LRP1B: variants seen among roughly 807,000 people sequenced by gnomAD.
LRP1B encodes LDL receptor related protein 1B.
Under a neutral mutation model 556.6 loss-of-function variants are expected in LRP1B, and 217 were observed. That is an observed-to-expected ratio of 0.39 (90% CI 0.35 to 0.44). The LOEUF is 0.44. LRP1B is among the 20% of genes least tolerant of loss of function. The probability of loss-of-function intolerance (pLI) is 1.00; values close to 1 mark genes in which losing one functional copy is unlikely to be tolerated. For missense variants in LRP1B, 5,053 were observed against 5,620.8 expected (o/e 0.90, Z 3.23); for synonymous variants, 2,047 against 1,865.8 (o/e 1.10, Z -2.50).
At chr2:141,301,450 G>C (rs59411990) in intron 3 of LRP1B, among the ~76,000 whole-genome samples, 18,571 of 152,046 alleles carry the variant, frequency 0.12, 1,507 homozygotes, top group African/African-American at 0.22. Flanking sequence ...ACTAGCCTTA[G>C]CCTCCCAAAC....
At chr2:141,971,791 C>T (rs1466723004) in intron 1 of LRP1B, among the ~76,000 whole-genome samples, 1 of 151,428 alleles carries the variant, frequency 6.6e-6, no homozygotes, top group Non-Finnish European at 1.5e-5. Flanking sequence ...CTTCCTCCTT[C>T]CCTTCTAAAA....
intron 3 of LRP1B, among the ~76,000 whole-genome samples, chr2:141,351,346 A>G (rs1289993945): frequency 6.6e-6 from 1 of 151,948 alleles, no homozygotes; most frequent in Non-Finnish European, 1.5e-5. Flanking sequence ...ACTACTCTTC[A>G]ACACCTTCTA....
intron 1 of LRP1B, among the ~76,000 whole-genome samples, chr2:141,867,674 G>A (rs1176643065): frequency 6.6e-6 from 1 of 152,050 alleles, no homozygotes; most frequent in Non-Finnish European, 1.5e-5. Flanking sequence ...TGATATTATT[G>A]ATACAACAAT....
intron 41 of LRP1B, among the ~76,000 whole-genome samples, chr2:140,688,713 A>G (rs16844518): frequency 0.016 from 2,368 of 152,284 alleles, 52 homozygotes; most frequent in African/African-American, 0.052. Flanking sequence ...GTGCAAGCAG[A>G]GACTTATAAA....
chr2:140,462,131 C>T (rs536016923), intron 60 of LRP1B, among the ~76,000 whole-genome samples: 1 of 152,178 alleles, frequency 6.6e-6, no homozygotes, highest in African/African-American at 2.4e-5. Flanking sequence ...TCAAATCAAA[C>T]ATTAAATCCT....
At chr2:140,991,616 A>T (rs1032585354) in intron 16 of LRP1B, among the ~76,000 whole-genome samples, 13 of 152,134 alleles carry the variant, frequency 8.5e-5, no homozygotes, top group African/African-American at 3.1e-4. Context: ...GAAAATATTA[A>T]TCTATTAGAT....
rs35844486 is a variant in LRP1B at position 141,644,007 on chromosome 2, A to AGTGT, written c.206-163475_206-163474insACAC. The stretch of plus-strand genomic sequence containing the variant: ...CAATAAATGTTTAGGGAGAATGTGG[A>AGTGT]GAGTGTGTGTGTGTGTGTGTGTGTG... On this transcript the variant is annotated intron_variant, in intron 2 of 90. Coordinates refer to ENST00000389484, the MANE Select transcript of LRP1B (RefSeq NM_018557.3). 2.6e-3 allele frequency among the ~76,000 whole-genome samples: 370 copies of AGTGT among 142,316 alleles called. 2 individuals are homozygous for AGTGT. Among genetic ancestry groups the AGTGT allele is most frequent in the Admixed American group, 6.1e-3 (85 of 14,000 alleles). 93.4% of individuals were successfully genotyped at this position (142,316 alleles called of 152,430 possible). A position where few individuals can be genotyped will look rare whatever the true frequency, so the allele number is the denominator to read the frequency against.
At chr2:140,345,899 T>C (rs1681651549) in intron 77 of LRP1B, among the ~76,000 whole-genome samples, 1 of 147,420 alleles carries the variant, frequency 6.8e-6, no homozygotes, top group Non-Finnish European at 1.5e-5. Context: ...CATTACTTCT[T>C]TCTCATCTCA....
intron 2 of LRP1B, among the ~76,000 whole-genome samples, chr2:141,555,546 C>T (rs113469703): frequency 5.7e-4 from 86 of 151,940 alleles, no homozygotes; most frequent in African/African-American, 2.0e-3. Flanking sequence ...AAATACTATA[C>T]GTTTGGCTAA....
chr2:140,885,823 T>C (rs1301774317), intron 24 of LRP1B, among the ~76,000 whole-genome samples: 1 of 151,590 alleles, frequency 6.6e-6, no homozygotes, highest in African/African-American at 2.4e-5. Context: ...AAACAAGTTA[T>C]TGTAACTCCT....
chr2:140,886,229 T>A lies in LRP1B; in HGVS notation c.3873A>T (p.Ile1291=), dbSNP rs1693633649. The change falls in exon 24 of 91, where the codon ATA becomes ATT. Residue 1291 remains isoleucine, a synonymous_variant. Transcript: ENST00000389484. ...SLLVPGLRNT[I]ALDFHFNQSL... is the part of the protein sequence containing the mutation. ...TTTGATTGAAGTGAAAATCAAGTGC[T>A]ATTGTGTTTCTCAATCCAGGAACAA... 1.9e-6 allele frequency: 3 copies of A among 1,609,102 alleles called. No homozygotes were observed. Among genetic ancestry groups the A allele is most frequent in the Non-Finnish European group, 2.6e-6 (3 of 1,176,004 alleles).
intron 20 of LRP1B, among the ~76,000 whole-genome samples, chr2:140,939,336 AAGG>A (rs1233258273): frequency 5.9e-5 from 9 of 151,762 alleles, no homozygotes; most frequent in African/African-American, 2.2e-4. Context: ...GAAAAAGCCA[AAGG>A]AGAAGTTTCC....
intron 6 of LRP1B, among the ~76,000 whole-genome samples, chr2:141,194,351 C>T: frequency 6.6e-6 from 1 of 152,006 alleles, no homozygotes; most frequent in East Asian, 1.9e-4. Flanking sequence ...ATTTAAATGT[C>T]TACAAGGATC....
chr2:141,789,384 G>A (rs936717461), intron 2 of LRP1B, among the ~76,000 whole-genome samples: 4 of 151,656 alleles, frequency 2.6e-5, no homozygotes, highest in South Asian at 2.1e-4. Context: ...CAACCACAAC[G>A]CCAACAGCAA....
intron 21 of LRP1B, among the ~76,000 whole-genome samples, chr2:140,909,440 A>C (rs1263592445): frequency 1.3e-5 from 2 of 151,866 alleles, no homozygotes. Flanking sequence ...AATTCTTCAC[A>C]CTATTATGTC....
chr2:141,782,087 A>T (rs1695273939), intron 2 of LRP1B, among the ~76,000 whole-genome samples: 1 of 152,082 alleles, frequency 6.6e-6, no homozygotes, highest in African/African-American at 2.4e-5. Context: ...TTGTCTTGTG[A>T]TACTTAAATA....
intron 3 of LRP1B, among the ~76,000 whole-genome samples, chr2:141,460,434 G>A (rs1014101804): frequency 4.6e-5 from 7 of 152,116 alleles, no homozygotes; most frequent in African/African-American, 1.7e-4. Context: ...ACAGTAATTG[G>A]AGATGAGGTC....
chr2:141,317,594 C>G (rs1360642844), intron 3 of LRP1B, among the ~76,000 whole-genome samples: 1 of 152,076 alleles, frequency 6.6e-6, no homozygotes, highest in African/African-American at 2.4e-5. Context: ...TTAGTGTATA[C>G]CTATCTCCTT....
chr2:141,582,877 C>G (rs540952680), intron 2 of LRP1B, among the ~76,000 whole-genome samples: 1 of 142,054 alleles, frequency 7.0e-6, no homozygotes, highest in Non-Finnish European at 1.5e-5. Context: ...GCTCTGTCAC[C>G]CAGGCTAGAG....
Sources: allele counts gnomAD v4.1 joint callset (sites outside exome capture counted in the v4.1 genomes callset), GRCh38; gene constraint gnomAD v4.1.1; transcripts MANE v1.5; gene names NCBI Gene and HGNC (gene_info 2026-07-23, HGNC 2026-07-21).